Variants in UTP25 observed in about 807,000 individuals in gnomAD.
UTP25 encodes UTP25 small subunit processome component.
Under a neutral mutation model 78.9 loss-of-function variants are expected in UTP25, and 50 were observed. That is an observed-to-expected ratio of 0.63 (90% CI 0.50 to 0.80). The LOEUF is 0.80. Among genes scored for constraint, UTP25 ranks in the 30% least tolerant of loss-of-function variants. The probability of loss-of-function intolerance (pLI) is 0.00; values close to 1 mark genes in which losing one functional copy is unlikely to be tolerated. For missense variants in UTP25, 846 were observed against 911.3 expected, an observed-to-expected ratio of 0.93 and a Z score of 0.92; for synonymous variants, 329 against 336.5, an observed-to-expected ratio of 0.98 and a Z score of 0.24.
intron 11 of UTP25, 121 bp from the exon 12 acceptor site, chr1:209,851,083 A>T: frequency 9.0e-7 from 1 of 1,110,528 alleles, no homozygotes; most frequent in Non-Finnish European, 1.3e-6. Context: ...TACTTGTGCC[A>T]CTGTTTTTCT....
rs1429489542 is a variant in UTP25 at position 209,855,342 on chromosome 1, C to G, written c.*3895C>G. The stretch of plus-strand genomic sequence containing the variant: ...CAGATGTGGGGAGTTGCCGCCTCCA[C>G]TTGCATTACATGTATTTCAGAGTAG... On this transcript the variant is annotated 3_prime_UTR_variant, in exon 12 of 12. Transcript: ENST00000491415. 1.3e-5 allele frequency: 2 copies of G among 152,270 alleles called. No individual in the cohort carries two copies. Among genetic ancestry groups the G allele is most frequent in the East Asian group, 3.8e-4 (2 of 5,196 alleles). The allele number at this position is 152,270 out of a possible 1,614,324, so 9.4% of individuals were successfully genotyped here.
At position 209,851,460 on chromosome 1, in the gene UTP25, C is replaced by A; in HGVS notation, c.*13C>A. The A allele has an allele frequency of 6.3e-7, 1 of 1,595,512 alleles. No homozygotes were observed. ...TGGAGAAAAATGAAATTTTGTTGGGCAGGAAGTGGTATTTGGCATGATACA... is the reference window on the plus strand; with the variant it reads ...TGGAGAAAAATGAAATTTTGTTGGGAAGGAAGTGGTATTTGGCATGATACA... On this transcript the variant is annotated 3_prime_UTR_variant, in exon 12 of 12. Transcript: ENST00000491415.
rs944124808 is a variant in UTP25 at position 209,843,815 on chromosome 1, C to T, written c.2027+119C>T. On this transcript the variant is annotated intron_variant, in intron 11 of 11. Transcript: ENST00000491415. Reference sequence around the variant, plus strand: ...TGAGATCATCCCTCACTCTCGCACTCTTACAAAGTAGCCAGAGAGTTTTTG... The same window carrying T: ...TGAGATCATCCCTCACTCTCGCACTTTTACAAAGTAGCCAGAGAGTTTTTG... 81 of 1,356,114 alleles carry T rather than the reference C, an allele frequency of 6.0e-5. No homozygotes were observed. The African/African-American group carries it at 9.6e-4, about 16-fold the overall frequency. The allele number at this position is 1,356,114 out of a possible 1,614,324, so 84.0% of individuals were successfully genotyped here.
rs1462405391 is a variant in UTP25 at position 209,854,310 on chromosome 1, A to G, written c.*2863A>G. 2.7e-5 allele frequency: 4 copies of G among 149,316 alleles called. No homozygotes were observed. The highest frequency in any genetic ancestry group is 6.0e-5 in the Non-Finnish European group (4 of 66,744). The allele number at this position is 149,316 out of a possible 1,614,324, so 9.2% of individuals were successfully genotyped here. ...TTCCCATAGTTAAAACAACCAGCTTAGCACTTTTCTTTTTGAGAGAGAAAA... is the reference window on the plus strand; with the variant it reads ...TTCCCATAGTTAAAACAACCAGCTTGGCACTTTTCTTTTTGAGAGAGAAAA... On this transcript the variant is annotated 3_prime_UTR_variant, in exon 12 of 12. Transcript: ENST00000491415.
At chr1:209,837,881 G>A (rs58260740) in intron 6 of UTP25, among the ~76,000 whole-genome samples, 6 of 152,126 alleles carry the variant, frequency 3.9e-5, no homozygotes, top group Non-Finnish European at 5.9e-5. Context: ...GCATCTCTCC[G>A]TATTGAAGAA....
chr1:209,834,711 A>G (rs1258599419), intron 4 of UTP25, among the ~76,000 whole-genome samples: 1 of 152,190 alleles, frequency 6.6e-6, no homozygotes, highest in Non-Finnish European at 1.5e-5. Flanking sequence ...AATGAAGTGA[A>G]GGAGAGGCTG....
chr1:209,840,206 A>C (rs1260582466), intron 7 of UTP25, among the ~76,000 whole-genome samples: 2 of 152,234 alleles, frequency 1.3e-5, no homozygotes, highest in Non-Finnish European at 2.9e-5. Flanking sequence ...ATGGGCTGGA[A>C]ATACACATTT....
At position 209,855,005 on chromosome 1, in the gene UTP25, T is replaced by A. The variant is rs2078265106; in HGVS notation, c.*3558T>A. 6.6e-6 allele frequency: 1 copy of A among 152,236 alleles called. No homozygotes were observed. Among genetic ancestry groups the A allele is most frequent in the Admixed American group, 6.5e-5 (1 of 15,286 alleles). 9.4% of individuals were successfully genotyped at this position (152,236 alleles called of 1,614,324 possible). A position where few individuals can be genotyped will look rare whatever the true frequency, so the allele number is the denominator to read the frequency against. The stretch of plus-strand genomic sequence containing the variant: ...ATTTTAAAAAGCTTTTCTGAAAGCC[T>A]GGCTACATAGAATTCTAAACAGATT... On this transcript the variant is annotated 3_prime_UTR_variant, in exon 12 of 12. Transcript: ENST00000491415.
Position 209,856,670 on chromosome 1 carries a change from A to T in UTP25, c.*5223A>T, listed in dbSNP as rs1466695369. 1.3e-5 allele frequency: 2 copies of T among 152,250 alleles called. No individual in the cohort carries two copies. The highest frequency in any genetic ancestry group is 2.9e-5 in the Non-Finnish European group (2 of 68,052). The allele number at this position is 152,250 out of a possible 1,614,324, so 9.4% of individuals were successfully genotyped here. On this transcript the variant is annotated 3_prime_UTR_variant, in exon 12 of 12. Transcript: ENST00000491415. Reference sequence around the variant, plus strand: ...ATTCCTGACTGATACAGAAGACAAAAATGGCATCACAGACTCCTGAACTCC... The same window carrying T: ...ATTCCTGACTGATACAGAAGACAAATATGGCATCACAGACTCCTGAACTCC...
intron 11 of UTP25, among the ~76,000 whole-genome samples, chr1:209,849,132 G>T (rs558186188): frequency 3.0e-4 from 46 of 152,214 alleles, no homozygotes; most frequent in African/African-American, 9.9e-4. Flanking sequence ...ATGAAGTCGG[G>T]GGGAGGGGGT....
rs2078251093 is a variant in UTP25, at chr1:209,853,215, C to T, written c.*1768C>T. 1 of 152,138 alleles carries T rather than the reference C, an allele frequency of 6.6e-6. No homozygotes were observed. The highest frequency in any genetic ancestry group is 1.5e-5 in the Non-Finnish European group (1 of 68,018). The allele number at this position is 152,138 out of a possible 1,614,324, so 9.4% of individuals were successfully genotyped here. A position where few individuals can be genotyped will look rare whatever the true frequency, so the allele number is the denominator to read the frequency against. ...CCGACCGAACCCATGCTACAAAGAA[C>T]TTTTTGTATCTATAGGCATGCCCTG... On this transcript the variant is annotated 3_prime_UTR_variant, in exon 12 of 12. Coordinates refer to ENST00000491415, the MANE Select transcript of UTP25 (RefSeq NM_014388.7).
Position 209,835,121 on chromosome 1 carries a change from T to C in UTP25, c.609T>C (p.Ile203=). The C allele has an allele frequency of 6.2e-7, 1 of 1,613,830 alleles. No individual in the cohort carries two copies. The highest frequency in any genetic ancestry group is 8.5e-7 in the Non-Finnish European group (1 of 1,179,790). The change falls in exon 5 of 12, where the codon ATT becomes ATC. Residue 203 remains isoleucine, a synonymous_variant. Coordinates refer to ENST00000491415, the MANE Select transcript of UTP25 (RefSeq NM_014388.7). Reference sequence around the variant, plus strand: ...ACAAAGAACTGAAAGAAAAAGCAATTCAGGCTGTTGCCACAAATCCCAAAA... The same window carrying C: ...ACAAAGAACTGAAAGAAAAAGCAATCCAGGCTGTTGCCACAAATCCCAAAA... The part of the protein sequence containing the change: ...HVNKELKEKA[I]QAVATNPKTT...
Position 209,837,055 on chromosome 1 carries a change from C to T in UTP25, c.906C>T (p.Asn302=), listed in dbSNP as rs759264682. Residue 302 remains asparagine, a synonymous_variant, in exon 6 of 12, where the codon AAC becomes AAT. Coordinates refer to ENST00000491415, the MANE Select transcript of UTP25 (RefSeq NM_014388.7). ...LFYPERTALK[N]GEEIRHVYCL... is the part of the protein sequence containing the mutation. ...ACCCGGAAAGGACTGCTCTGAAGAA[C>T]GGGGAAGAGATCCGCCATGTGTATT... The T allele has an allele frequency of 4.2e-5, 68 of 1,613,986 alleles. 1 individual carries two copies. The East Asian group carries it at 5.6e-4, about 13-fold the overall frequency.
At position 209,856,841 on chromosome 1, in the gene UTP25, G is replaced by C. The variant is rs1392270411; in HGVS notation, c.*5394G>C. On this transcript the variant is annotated 3_prime_UTR_variant, in exon 12 of 12. Coordinates refer to ENST00000491415, the MANE Select transcript of UTP25 (RefSeq NM_014388.7). ...GTTCTGACGTGTCCATTCCACACTG[G>C]ATCCATAGAACGAGGGAACACAAGT... 2 of 152,214 alleles carry C rather than the reference G, an allele frequency of 1.3e-5. No homozygotes were observed. Among genetic ancestry groups the C allele is most frequent in the Non-Finnish European group, 2.9e-5 (2 of 68,042 alleles). 9.4% of individuals were successfully genotyped at this position (152,214 alleles called of 1,614,324 possible). A position where few individuals can be genotyped will look rare whatever the true frequency, so the allele number is the denominator to read the frequency against.
Position 209,851,320 on chromosome 1 carries a change from G to C in UTP25, c.2144G>C (p.Trp715Ser). ...RATNRGEEAT[W>S]TCTVLYSKYD... ...ACCAACAGAGGAGAAGAGGCCACGT[G>C]GACCTGCACTGTTCTCTACTCCAAA... Residue 715 changes from tryptophan (W) to serine (S), a missense_variant, in exon 12 of 12, where the codon TGG (tryptophan) becomes TCG (serine). Transcript: ENST00000491415. The C allele has an allele frequency of 6.2e-7, 1 of 1,614,186 alleles. No homozygotes were observed. Among genetic ancestry groups the C allele is most frequent in the South Asian group, 1.1e-5 (1 of 91,086 alleles).
intron 4 of UTP25, among the ~76,000 whole-genome samples, chr1:209,834,620 T>C (rs968223603): frequency 3.3e-5 from 5 of 152,234 alleles, no homozygotes; most frequent in African/African-American, 1.2e-4. Flanking sequence ...GAGCCAACGT[T>C]GTGCCTAACA....
rs771093680 is a variant in UTP25 at position 209,840,892 on chromosome 1, C to T, written c.1322C>T (p.Pro441Leu). ...ILQRSIRLYA[P>L]FYSSDILIAS... is the part of the protein sequence containing the mutation. ...CAGAGAAGCATCCGACTCTATGCCC[C>T]GTTTTACTCCTCGGATATCCTCATT... is the stretch of plus-strand genomic sequence containing the variant. Residue 441 changes from proline to leucine, a missense_variant, in exon 8 of 12, where the codon CCG becomes CTG. Physicochemically the swap from Pro to Leu is moderately conservative, Grantham distance 98. Transcript: ENST00000491415. 39 of 1,613,194 alleles carry T rather than the reference C, an allele frequency of 2.4e-5. No homozygotes were observed. The highest frequency in any genetic ancestry group is 6.7e-5 in the East Asian group (3 of 44,890).
At chr1:209,847,335 A>T (rs1313961158) in intron 11 of UTP25, among the ~76,000 whole-genome samples, 1 of 152,230 alleles carries the variant, frequency 6.6e-6, no homozygotes, top group Non-Finnish European at 1.5e-5. Flanking sequence ...AAATTCCACC[A>T]GCTGTTCTCA....
At chr1:209,833,101 G>T in intron 3 of UTP25, 84 bp from the exon 4 acceptor site, 1 of 1,270,206 alleles carries the variant, frequency 7.9e-7, no homozygotes, top group Non-Finnish European at 1.1e-6. Context: ...CGCTATTGTT[G>T]GTATAGCCTA....
Sources: gnomAD v4.1 joint callset for allele counts (sites outside exome capture counted in the v4.1 genomes callset) on GRCh38, gnomAD v4.1.1 for gene constraint, MANE v1.5 for transcripts, NCBI Gene and HGNC (gene_info 2026-07-23, HGNC 2026-07-21) for gene names.